Variants in AK9 observed in about 807,000 individuals in gnomAD.
The protein encoded by AK9 is adenylate kinase 9.
AK9 carries 191 observed loss-of-function variants against 239.6 expected under a neutral mutation model. The observed-to-expected ratio is 0.80, with a 90% CI of 0.71 to 0.90. AK9 has a LOEUF of 0.90. Among genes scored for constraint, AK9 ranks in the 40% least tolerant of loss-of-function variants. AK9 has a pLI of 0.00. For synonymous variants in AK9, 689 were observed against 721.0 expected, an observed-to-expected ratio of 0.96 and a Z score of 0.71; for missense variants, 1,995 against 2,214.7, an observed-to-expected ratio of 0.90 and a Z score of 1.99.
At chr6:109,659,114 G>A (rs4947004) in intron 7 of AK9, 114 bp downstream of exon 7, 882,308 of 1,286,270 alleles carry the variant, frequency 0.69, 306,656 homozygotes, top group East Asian at 1. Context: ...ACTCAATAAA[G>A]ATGTAAAGAA....
At chr6:109,647,584 T>C (rs2128296651) in intron 8 of AK9, among the ~76,000 whole-genome samples, 1 of 152,282 alleles carries the variant, frequency 6.6e-6, no homozygotes, top group South Asian at 2.1e-4. Flanking sequence ...CCCAGATTCA[T>C]AAAGCAAGTC....
chr6:109,565,885 A>G (rs1583030973), intron 21 of AK9, among the ~76,000 whole-genome samples: 1 of 152,192 alleles, frequency 6.6e-6, no homozygotes, highest in Admixed American at 6.5e-5. Flanking sequence ...AACAGGATCT[A>G]TAATGTTTAA....
chr6:109,516,500 G>C lies in AK9; in HGVS notation c.3776C>G (p.Ala1259Gly). The change falls in exon 30 of 41, where the codon GCA becomes GGA. Residue 1259 changes from alanine (A) to glycine (G), a missense_variant. Around this residue, in one of 5 missense-constraint regions of AK9, gnomAD observed 1,290 missense variants for 1,392.7 expected, o/e 0.93. Coordinates refer to ENST00000424296, the MANE Select transcript of AK9 (RefSeq NM_001145128.3). ...TAGTTCACCTCTCAGGCGCTCAATTGCATCAGTTTCCTGTTCTTCATCTTC... is the reference window on the plus strand; with the variant it reads ...TAGTTCACCTCTCAGGCGCTCAATTCCATCAGTTTCCTGTTCTTCATCTTC... ...GEEDEEQETD[A>G]IERLRGELGE... 1 of 1,551,692 alleles carries C rather than the reference G, an allele frequency of 6.4e-7. No individual in the cohort carries two copies. The highest frequency in any genetic ancestry group is 2.0e-5 in the Admixed American group (1 of 50,992).
At chr6:109,685,578 G>C (rs188656011) in intron 1 of AK9, among the ~76,000 whole-genome samples, 3 of 151,884 alleles carry the variant, frequency 2.0e-5, no homozygotes, top group Non-Finnish European at 4.4e-5. Context: ...GGGGCCTTTC[G>C]GGGGTGGGGG....
chr6:109,658,206 T>C (rs1393183408), intron 7 of AK9, among the ~76,000 whole-genome samples: 1 of 152,168 alleles, frequency 6.6e-6, no homozygotes, highest in Non-Finnish European at 1.5e-5. Context: ...CCAAAGGTTA[T>C]ACATTTCAAA....
At chr6:109,660,998 T>TA (rs1393768865) in intron 6 of AK9, 2 of 502,364 alleles carry the variant, frequency 4.0e-6, no homozygotes, top group Non-Finnish European at 7.9e-6. Context: ...AAAATTCACA[T>TA]ATACATAAAG....
chr6:109,660,886 C>A, intron 6 of AK9: 2 of 453,148 alleles, frequency 4.4e-6, no homozygotes, highest in South Asian at 1.7e-5. Context: ...TGGGACCACT[C>A]TCTGATAACT....
At position 109,659,364 on chromosome 6, in the gene AK9, T is replaced by C; in HGVS notation, c.494A>G (p.Asn165Ser). 6.2e-7 allele frequency: 1 copy of C among 1,612,258 alleles called. No individual in the cohort carries two copies. Among genetic ancestry groups the C allele is most frequent in the Non-Finnish European group, 8.5e-7 (1 of 1,179,658 alleles). ...CQRISGQRQH[N>S]NTGYIYSRDQ... ...TCTACTGTATATGTATCCCGTATTA[T>C]TGTGCTGTCTTTGCCCAGAAATTCT... is the stretch of plus-strand genomic sequence containing the variant. Residue 165 changes from asparagine to serine, a missense_variant, in exon 7 of 41, where the codon AAT becomes AGT. Asn to Ser is a conservative substitution (Grantham distance 46, BLOSUM62 1). Around this residue, in one of 5 missense-constraint regions of AK9, gnomAD observed 252 missense variants for 246.4 expected, o/e 1.02. Coordinates refer to ENST00000424296, the MANE Select transcript of AK9 (RefSeq NM_001145128.3).
At chr6:109,520,914 T>C (rs1779792235) in intron 29 of AK9, among the ~76,000 whole-genome samples, 1 of 152,132 alleles carries the variant, frequency 6.6e-6, no homozygotes, top group Non-Finnish European at 1.5e-5. Context: ...GCTTAAATGT[T>C]ACTAGTATAA....
intron 12 of AK9, among the ~76,000 whole-genome samples, chr6:109,621,893 T>TAAAAAAAAAAAAAAAAAAAAAAAAAA (rs59405869): frequency 1.8e-5 from 1 of 55,534 alleles, no homozygotes; most frequent in African/African-American, 9.3e-5. Flanking sequence ...AAAGTATAAT[T>TAAAAAAAAAAAAAAAAAAAAAAAAAA]AAAAAAAAAA....
At chr6:109,569,541 G>A (rs1436190812) in intron 21 of AK9, among the ~76,000 whole-genome samples, 1 of 152,114 alleles carries the variant, frequency 6.6e-6, no homozygotes, top group East Asian at 1.9e-4. Flanking sequence ...CTGACAAAGG[G>A]CTAGTATCCA....
chr6:109,621,994 AT>A (rs1794914738), intron 12 of AK9, among the ~76,000 whole-genome samples: 1 of 147,452 alleles, frequency 6.8e-6, no homozygotes, highest in African/African-American at 2.5e-5. Flanking sequence ...TATGTTCATA[AT>A]TTTGTTCATC....
chr6:109,502,893 A>C (rs944959393), intron 35 of AK9, among the ~76,000 whole-genome samples: 2 of 151,664 alleles, frequency 1.3e-5, no homozygotes, highest in Non-Finnish European at 2.9e-5. Flanking sequence ...TGTCACCTTC[A>C]CTGTAGCCTT....
At chr6:109,649,128 G>C (rs141426809) in intron 8 of AK9, among the ~76,000 whole-genome samples, 3,203 of 152,124 alleles carry the variant, frequency 0.021, 100 homozygotes, top group African/African-American at 0.074. Context: ...AACCCACAGC[G>C]AATATCATAC....
At chr6:109,606,550 T>G (rs374046003) in intron 17 of AK9, among the ~76,000 whole-genome samples, 20 of 152,214 alleles carry the variant, frequency 1.3e-4, no homozygotes, top group Non-Finnish European at 2.5e-4. Context: ...TAACAGGTCA[T>G]GAGCTTCCAC....
chr6:109,615,342 A>G (rs1486655045), intron 13 of AK9, among the ~76,000 whole-genome samples: 1 of 147,000 alleles, frequency 6.8e-6, no homozygotes, highest in South Asian at 2.1e-4. Flanking sequence ...TCTCATCTGT[A>G]TTGCTGGTGC....
At chr6:109,632,892 T>TAGAC (rs1399524442) in intron 12 of AK9, 31 bp downstream of exon 12, 8 of 1,598,584 alleles carry the variant, frequency 5.0e-6, no homozygotes, top group East Asian at 2.2e-5. Context: ...GATAGATAGA[T>TAGAC]AGATAGATAG....
intron 29 of AK9, among the ~76,000 whole-genome samples, chr6:109,520,712 C>T (rs1470687170): frequency 1.3e-5 from 2 of 152,112 alleles, no homozygotes; most frequent in Non-Finnish European, 2.9e-5. Flanking sequence ...GCCATTTTAA[C>T]AATACTGATT....
chr6:109,681,068 T>C (rs553638111), intron 1 of AK9, among the ~76,000 whole-genome samples: 1 of 152,282 alleles, frequency 6.6e-6, no homozygotes, highest in Admixed American at 6.5e-5. Context: ...GCTAGCATCA[T>C]AGTGACAGGA....
Sources: allele counts gnomAD v4.1 joint callset (sites outside exome capture counted in the v4.1 genomes callset), GRCh38; gene constraint gnomAD v4.1.1; regional missense constraint gnomAD v4.1.1; transcripts MANE v1.5; gene names NCBI Gene and HGNC (gene_info 2026-07-23, HGNC 2026-07-21).